UHRF1: variants seen among roughly 807,000 people sequenced by gnomAD.
UHRF1 encodes E3 ubiquitin-protein ligase UHRF1.
Under a neutral mutation model 96.5 loss-of-function variants are expected in UHRF1, and 9 were observed. That is an observed-to-expected ratio of 0.09 (90% CI 0.06 to 0.16). UHRF1 has a LOEUF of 0.16. Among genes scored for constraint, UHRF1 ranks in the 10% least tolerant of loss-of-function variants. The pLI is 1.00. For missense variants in UHRF1, 626 were observed against 1,131.1 expected (o/e 0.55, Z 6.40); for synonymous variants, 455 against 469.9 (o/e 0.97, Z 0.41).
intron 7 of UHRF1, among the ~76,000 whole-genome samples, chr19:4,942,595 C>G (rs542966285): frequency 6.6e-6 from 1 of 152,064 alleles, no homozygotes. Context: ...ATTACAGGTG[C>G]CTGCCACCAC....
At chr19:4,947,016 AG>A (rs2033585769) in intron 10 of UHRF1, 88 bp from the exon 11 acceptor site, 1 of 973,990 alleles carries the variant, frequency 1.0e-6, no homozygotes, top group Non-Finnish European at 1.6e-6. Flanking sequence ...CTTTGAAAGT[AG>A]CCATCCTGGG....
chr19:4,912,687 T>C (rs1234729352), intron 2 of UHRF1, among the ~76,000 whole-genome samples: 2 of 152,190 alleles, frequency 1.3e-5, no homozygotes, highest in African/African-American at 4.8e-5. Flanking sequence ...CAGTCCACCT[T>C]TCCCTTATTA....
chr19:4,916,162 C>T (rs955675488), intron 2 of UHRF1, among the ~76,000 whole-genome samples: 18 of 152,046 alleles, frequency 1.2e-4, no homozygotes, highest in African/African-American at 2.2e-4. Context: ...GAAAATTAGC[C>T]GGGCATGGTG....
chr19:4,917,177 G>A (rs552127304), intron 2 of UHRF1, among the ~76,000 whole-genome samples: 3 of 126,730 alleles, frequency 2.4e-5, no homozygotes, highest in South Asian at 5.4e-4. Context: ...GGCTGGTCTT[G>A]AACCCCTGGC....
intron 2 of UHRF1, among the ~76,000 whole-genome samples, chr19:4,916,402 T>TC (rs948779657): frequency 6.6e-6 from 1 of 151,298 alleles, no homozygotes; most frequent in African/African-American, 2.4e-5. Context: ...GGCGGAGCCG[T>TC]CCCTGGTGAC....
intron 5 of UHRF1, among the ~76,000 whole-genome samples, chr19:4,937,661 G>A (rs1364193200): frequency 6.6e-6 from 1 of 152,166 alleles, no homozygotes; most frequent in Non-Finnish European, 1.5e-5. Context: ...ACTTCGCCCG[G>A]CCAGTTTAGG....
chr19:4,930,833 C>A lies in UHRF1; in HGVS notation c.526C>A (p.Pro176Thr). ...CGAGCCCTGCAGCTCCACGTCCAGG[C>A]CGGCGCTGGAGGAGGACGTCATTTA... is the stretch of plus-strand genomic sequence containing the variant. ...RDEPCSSTSRPALEEDVIYHV... is the reference protein window; with the variant it reads ...RDEPCSSTSRTALEEDVIYHV... Residue 176 changes from proline (P) to threonine (T), a missense_variant, in exon 4 of 17, where the codon CCG becomes ACG. Pro to Thr is a conservative substitution (Grantham distance 38). Transcript: ENST00000650932. This position sits in a 1 kb window ranked among gnomAD's most constrained non-coding sequence, Gnocchi z 4.4. The A allele has an allele frequency of 6.2e-7, 1 of 1,613,956 alleles. No individual in the cohort carries two copies. The highest frequency in any genetic ancestry group is 1.1e-5 in the South Asian group (1 of 91,078).
chr19:4,918,715 G>GT (rs536401524), intron 2 of UHRF1, among the ~76,000 whole-genome samples: 8,337 of 115,290 alleles, frequency 0.072, 599 homozygotes, highest in African/African-American at 0.14. Flanking sequence ...TGCCCAGCTG[G>GT]TTTTTTTTTT....
intron 16 of UHRF1, among the ~76,000 whole-genome samples, chr19:4,959,425 C>A (rs193298234): frequency 6.6e-6 from 1 of 152,216 alleles, no homozygotes; most frequent in African/African-American, 2.4e-5. Flanking sequence ...ACCGCCCTCG[C>A]CCAGCTGTGT....
rs775293046 is a variant in UHRF1, at chr19:4,912,494, C to T, written c.153+1456C>T. On this transcript the variant is annotated intron_variant, in intron 2 of 16. Coordinates refer to ENST00000650932, the MANE Select transcript of UHRF1 (RefSeq NM_001048201.3). ...TGAGTATCCACTCTATGCCAGCCAC[C>T]GAGCTAGCATTTTAACTTTTGCATT... Among the ~76,000 whole-genome samples, 10 of 152,214 alleles carry T rather than the reference C, an allele frequency of 6.6e-5. No individual in the cohort carries two copies. In the East Asian group the frequency reaches 1.2e-3, roughly 18 times the overall value.
At chr19:4,904,384 T>C (rs1307615291) in intron 1 of UHRF1, among the ~76,000 whole-genome samples, 1 of 152,186 alleles carries the variant, frequency 6.6e-6, no homozygotes, top group Non-Finnish European at 1.5e-5. Flanking sequence ...TTTCATCATG[T>C]TAGCCAGGAT....
At chr19:4,908,711 T>C (rs543376587), upstream of UHRF1, among the ~76,000 whole-genome samples, 523 of 152,304 alleles carry the variant, frequency 3.4e-3, no homozygotes, top group African/African-American at 0.011. Flanking sequence ...CTATAAGGAA[T>C]CATCTGAAAT....
chr19:4,923,644 CAT>C (rs2032774449), intron 2 of UHRF1, among the ~76,000 whole-genome samples: 1 of 152,224 alleles, frequency 6.6e-6, no homozygotes, highest in South Asian at 2.1e-4. Flanking sequence ...CCTTCGGACA[CAT>C]GTGAGGGCCG....
chr19:4,907,263 C>T (rs2032083156), upstream of UHRF1, among the ~76,000 whole-genome samples: 1 of 152,106 alleles, frequency 6.6e-6, no homozygotes, highest in South Asian at 2.1e-4. Context: ...GCACACACCA[C>T]CCTGCCCAGC....
intron 4 of UHRF1, 195 bp from the exon 5 acceptor site, chr19:4,932,546 C>T (rs2033085524): frequency 3.3e-6 from 2 of 612,242 alleles, no homozygotes; most frequent in East Asian, 2.8e-5. Flanking sequence ...TTGCAGGGGA[C>T]ACGGGCAACC....
At chr19:4,947,041 A>T (rs565476944) in intron 10 of UHRF1, 64 bp from the exon 11 acceptor site, 9 of 1,281,642 alleles carry the variant, frequency 7.0e-6, no homozygotes, top group Non-Finnish European at 9.9e-6. Context: ...TTTGCTTTCA[A>T]TGCAGTCTCT....
chr19:4,946,647 TCACTACAGC>T (rs574331051), intron 10 of UHRF1, among the ~76,000 whole-genome samples: 1 of 151,492 alleles, frequency 6.6e-6, no homozygotes, highest in South Asian at 2.1e-4. Flanking sequence ...TGATCACAGC[TCACTACAGC>T]CACTACCTCC....
At chr19:4,935,887 G>A (rs952462277) in intron 5 of UHRF1, among the ~76,000 whole-genome samples, 2 of 152,148 alleles carry the variant, frequency 1.3e-5, no homozygotes, top group Admixed American at 1.3e-4. Context: ...GCTGCTGCCC[G>A]TTTACCCTGA....
At chr19:4,933,510 T>G (rs2033123831) in intron 5 of UHRF1, among the ~76,000 whole-genome samples, 1 of 152,198 alleles carries the variant, frequency 6.6e-6, no homozygotes, top group Non-Finnish European at 1.5e-5. Flanking sequence ...CCACCGTGCC[T>G]GGCCTCAAGC....
Sources: allele counts gnomAD v4.1 joint callset (sites outside exome capture counted in the v4.1 genomes callset), GRCh38; gene constraint gnomAD v4.1.1; non-coding constraint Gnocchi (gnomAD v3.1); transcripts MANE v1.5; gene names NCBI Gene and HGNC (gene_info 2026-07-23, HGNC 2026-07-21).